MAGI1: variants seen among roughly 807,000 people sequenced by gnomAD.
MAGI1 encodes the protein membrane-associated guanylate kinase, WW and PDZ domain-containing protein 1.
A neutral mutation model predicts 139.9 loss-of-function variants in MAGI1; 58 were observed. That is an observed-to-expected ratio of 0.41 (90% CI 0.34 to 0.52). The LOEUF is 0.52. Ranked by LOEUF, MAGI1 falls within the 20% of genes least tolerant of loss-of-function variation. The probability of loss-of-function intolerance (pLI) is 0.12; values close to 1 mark genes in which losing one functional copy is unlikely to be tolerated. For synonymous variants in MAGI1, 812 were observed against 737.9 expected, an observed-to-expected ratio of 1.10 and a Z score of -1.63; for missense variants, 1,874 against 1,901.6, an observed-to-expected ratio of 0.99 and a Z score of 0.27.
At chr3:65,396,570 A>AATATTTG (rs1297154578) in intron 13 of MAGI1, among the ~76,000 whole-genome samples, 2 of 152,266 alleles carry the variant, frequency 1.3e-5, no homozygotes, top group Non-Finnish European at 1.5e-5. Context: ...GTGAACTGAA[A>AATATTTG]ATATTTGCTT....
At chr3:65,612,570 A>G (rs2083179092) in intron 2 of MAGI1, among the ~76,000 whole-genome samples, 1 of 152,176 alleles carries the variant, frequency 6.6e-6, no homozygotes, top group Non-Finnish European at 1.5e-5. Flanking sequence ...AAATAACACA[A>G]TTGACGTTTT....
chr3:65,728,393 TTTGTCTGCAGGAAGC>T (rs2033843939), intron 1 of MAGI1, among the ~76,000 whole-genome samples: 1 of 152,188 alleles, frequency 6.6e-6, no homozygotes, highest in African/African-American at 2.4e-5. Flanking sequence ...AATTTGGATC[TTTGTCTGCAGGAAGC>T]TGCTCAGCAG....
At chr3:65,863,934 C>G (rs1238036868) in intron 1 of MAGI1, among the ~76,000 whole-genome samples, 11 of 152,210 alleles carry the variant, frequency 7.2e-5, no homozygotes, top group Non-Finnish European at 1.2e-4. Flanking sequence ...CCCAGAGTAA[C>G]TTTCCCTCAG....
chr3:65,785,988 G>C (rs9872219), intron 1 of MAGI1, among the ~76,000 whole-genome samples: 10,034 of 150,448 alleles, frequency 0.067, 469 homozygotes, highest in African/African-American at 0.13. Flanking sequence ...TCAGGCTGGA[G>C]TGCAGTGGTG....
chr3:65,645,759 G>A lies in MAGI1; in HGVS notation c.314-23671C>T, dbSNP rs184104826. 5.3e-5 allele frequency among the ~76,000 whole-genome samples: 8 copies of A among 152,136 alleles called. No homozygotes were observed. The South Asian group carries it at 6.2e-4, about 12-fold the overall frequency. On this transcript the variant is annotated intron_variant, in intron 1 of 22. Coordinates refer to ENST00000402939, the MANE Select transcript of MAGI1 (RefSeq NM_001033057.2). The stretch of plus-strand genomic sequence containing the variant: ...ATTATAAACCAGGATGTAAAGAGAC[G>A]TAAGGTTTCAGCAATTCAGCCAAAC...
At chr3:65,593,415 G>A (rs2082052572) in intron 2 of MAGI1, among the ~76,000 whole-genome samples, 1 of 152,134 alleles carries the variant, frequency 6.6e-6, no homozygotes, top group African/African-American at 2.4e-5. Context: ...GGGGAAAGGA[G>A]ATTCTTTAAT....
chr3:65,847,250 A>C (rs993010549), intron 1 of MAGI1, among the ~76,000 whole-genome samples: 6 of 152,198 alleles, frequency 3.9e-5, no homozygotes, highest in Non-Finnish European at 8.8e-5. Flanking sequence ...CAAGAATTTC[A>C]ATGTACTTAA....
intron 2 of MAGI1, among the ~76,000 whole-genome samples, chr3:65,574,975 T>C (rs577049561): frequency 6.6e-5 from 10 of 152,174 alleles, no homozygotes; most frequent in Non-Finnish European, 1.3e-4. Flanking sequence ...ATAAAACTTA[T>C]AGAAGAAAAC....
intron 1 of MAGI1, among the ~76,000 whole-genome samples, chr3:66,031,949 A>C (rs915925352): frequency 6.6e-6 from 1 of 152,240 alleles, no homozygotes; most frequent in Admixed American, 6.5e-5. Context: ...CTTCAGTTAG[A>C]GTCAACAGGC....
At chr3:65,425,521 T>A (rs915937583) in intron 12 of MAGI1, among the ~76,000 whole-genome samples, 1 of 152,152 alleles carries the variant, frequency 6.6e-6, no homozygotes, top group Non-Finnish European at 1.5e-5. Flanking sequence ...AAAACATTCA[T>A]CTTTTAGATT....
At chr3:65,936,807 C>T (rs1449498397) in intron 1 of MAGI1, among the ~76,000 whole-genome samples, 1 of 152,048 alleles carries the variant, frequency 6.6e-6, no homozygotes, top group Non-Finnish European at 1.5e-5. Flanking sequence ...TCACAGCTCA[C>T]TGCAATTTCA....
intron 1 of MAGI1, among the ~76,000 whole-genome samples, chr3:65,721,252 T>C (rs911275519): frequency 3.3e-4 from 50 of 152,132 alleles, no homozygotes; most frequent in African/African-American, 1.2e-3. Flanking sequence ...GTTACTTCCC[T>C]CCCTTTCCAT....
At chr3:65,464,931 T>A (rs966140870) in intron 5 of MAGI1, among the ~76,000 whole-genome samples, 1 of 150,554 alleles carries the variant, frequency 6.6e-6, no homozygotes, top group South Asian at 2.1e-4. Context: ...ATCTCCTTTG[T>A]ATAGCTTTTA....
At chr3:65,430,989 C>A in intron 10 of MAGI1, 108 bp from the exon 11 acceptor site, 1 of 1,036,992 alleles carries the variant, frequency 9.6e-7, no homozygotes, top group South Asian at 1.6e-5. Flanking sequence ...TGCCCTAGAG[C>A]CTTTGGGCAT....
At chr3:65,674,191 A>C (rs1416887630) in intron 1 of MAGI1, among the ~76,000 whole-genome samples, 2 of 152,224 alleles carry the variant, frequency 1.3e-5, no homozygotes, top group Non-Finnish European at 2.9e-5. Context: ...AAGAGCTCTT[A>C]AAAATGATGT....
intron 1 of MAGI1, among the ~76,000 whole-genome samples, chr3:65,953,678 C>G (rs2063972835): frequency 6.6e-6 from 1 of 152,190 alleles, no homozygotes; most frequent in Non-Finnish European, 1.5e-5. Context: ...AGGTTTGTCT[C>G]CCTGCTGTGC....
At chr3:65,963,735 C>T (rs1474778839) in intron 1 of MAGI1, among the ~76,000 whole-genome samples, 1 of 152,158 alleles carries the variant, frequency 6.6e-6, no homozygotes, top group Non-Finnish European at 1.5e-5. Context: ...TTAACATGCA[C>T]TATTTTACTT....
At chr3:65,467,842 G>A (rs558092216) in intron 5 of MAGI1, among the ~76,000 whole-genome samples, 4 of 152,122 alleles carry the variant, frequency 2.6e-5, no homozygotes, top group Admixed American at 6.5e-5. Context: ...ACATAATTTC[G>A]AAGGCAATTT....
rs17031798 is a variant in MAGI1, at chr3:65,627,367, T to C, written c.314-5279A>G. On this transcript the variant is annotated intron_variant, in intron 1 of 22. Coordinates refer to ENST00000402939, the MANE Select transcript of MAGI1 (RefSeq NM_001033057.2). ...TCATTATGCAACAACCATGACTATA[T>C]ATAGAACTTTTTCCAAGAAAGGGGT... Among the ~76,000 whole-genome samples the C allele has an allele frequency of 4.3e-3, 659 of 152,094 alleles. 6 individuals carry two copies. The highest frequency in any genetic ancestry group is 0.014 in the African/African-American group (579 of 41,460).
Sources: gnomAD v4.1 joint callset for allele counts (sites outside exome capture counted in the v4.1 genomes callset) on GRCh38, gnomAD v4.1.1 for gene constraint, MANE v1.5 for transcripts, NCBI Gene and HGNC (gene_info 2026-07-23, HGNC 2026-07-21) for gene names.